The following RARB variants were observed in gnomAD, a reference collection of about 807,000 sequenced individuals.
RARB encodes the protein retinoic acid receptor beta, also known as HBV-activated protein.
A neutral mutation model predicts 51.9 loss-of-function variants in RARB; 17 were observed. That is an observed-to-expected ratio of 0.33 (90% CI 0.22 to 0.49). The LOEUF is 0.49. Ranked by LOEUF, RARB falls within the 20% of genes least tolerant of loss-of-function variation. RARB has a pLI of 0.99. For missense variants in RARB, 369 were observed against 550.8 expected (o/e 0.67, Z 3.30); for synonymous variants, 215 against 195.4 (o/e 1.10, Z -0.84).
At chr3:25,146,660 G>T (rs759063453) in intron 4 of RARB, among the ~76,000 whole-genome samples, 2 of 150,918 alleles carry the variant, frequency 1.3e-5, no homozygotes, top group Non-Finnish European at 3.0e-5. Context: ...GCCTGCCACC[G>T]CGCCCGGCTA....
At chr3:25,594,798 T>C in intron 7 of RARB, 120 bp downstream of exon 7, 1 of 975,440 alleles carries the variant, frequency 1.0e-6, no homozygotes. Context: ...GGAACTCATT[T>C]CTCATTGAAA....
chr3:24,951,712 ACCAATG>A (rs889206502), intron 2 of RARB, among the ~76,000 whole-genome samples: 2 of 152,172 alleles, frequency 1.3e-5, no homozygotes, highest in Admixed American at 6.5e-5. Context: ...TTGATAGGAA[ACCAATG>A]CCAATGACCC....
At chr3:25,367,527 G>C (rs1210704359) in intron 5 of RARB, among the ~76,000 whole-genome samples, 3 of 151,892 alleles carry the variant, frequency 2.0e-5, no homozygotes, top group Non-Finnish European at 4.4e-5. Context: ...CTGAAATGTG[G>C]CTGTTCAGCC....
chr3:25,458,348 C>T (rs913354732), intron 1 of RARB: 1 of 152,174 alleles, frequency 6.6e-6, no homozygotes, highest in African/African-American at 2.4e-5. Flanking sequence ...GAAAAAAATT[C>T]TGGAAGGTCG....
chr3:25,094,716 CAAAAAAAA>C (rs57477720), intron 3 of RARB, among the ~76,000 whole-genome samples: 13 of 43,106 alleles, frequency 3.0e-4, no homozygotes, highest in Non-Finnish European at 3.5e-4. Context: ...GACCCCATCT[CAAAAAAAA>C]AAAAAAAAAA....
chr3:25,175,123 C>T (rs1182677935), intron 5 of RARB, among the ~76,000 whole-genome samples: 1 of 152,140 alleles, frequency 6.6e-6, no homozygotes, highest in Admixed American at 6.5e-5. Flanking sequence ...TTTCTTATCC[C>T]AGATCTTCCC....
intron 5 of RARB, among the ~76,000 whole-genome samples, chr3:25,586,708 T>G (rs1350033152): frequency 6.6e-6 from 1 of 152,178 alleles, no homozygotes; most frequent in Non-Finnish European, 1.5e-5. Flanking sequence ...CTTGACGCCC[T>G]GGAGACTGTG....
chr3:25,105,966 G>T (rs558063777), intron 3 of RARB, among the ~76,000 whole-genome samples: 13 of 152,280 alleles, frequency 8.5e-5, no homozygotes, highest in Non-Finnish European at 2.9e-5. Context: ...TGGTAGTGTG[G>T]CTGTTACTAA....
chr3:25,360,167 G>T (rs1263792820), intron 5 of RARB, among the ~76,000 whole-genome samples: 4 of 152,114 alleles, frequency 2.6e-5, no homozygotes, highest in Non-Finnish European at 5.9e-5. Flanking sequence ...TCCTGTATTG[G>T]GTGCATATAT....
At chr3:25,376,202 A>T (rs767397117) in intron 5 of RARB, among the ~76,000 whole-genome samples, 4 of 152,024 alleles carry the variant, frequency 2.6e-5, no homozygotes, top group Non-Finnish European at 2.9e-5. Flanking sequence ...TGCTCACTCT[A>T]CTTTGGATAT....
At chr3:25,472,325 A>G (rs1265024170) in intron 2 of RARB, among the ~76,000 whole-genome samples, 1 of 152,140 alleles carries the variant, frequency 6.6e-6, no homozygotes, top group Non-Finnish European at 1.5e-5. Flanking sequence ...GAGGCAGTAC[A>G]CCTGCTTCTT....
chr3:25,432,937 G>C (rs1708267248), intron 1 of RARB, among the ~76,000 whole-genome samples: 2 of 152,232 alleles, frequency 1.3e-5, no homozygotes, highest in East Asian at 3.9e-4. Flanking sequence ...TAAATGCAAT[G>C]TTCATTTTAG....
intron 4 of RARB, among the ~76,000 whole-genome samples, chr3:25,158,431 G>A (rs1304560377): frequency 1.3e-5 from 2 of 152,198 alleles, no homozygotes; most frequent in African/African-American, 4.8e-5. Flanking sequence ...GATCCTTGAA[G>A]AAGCTGTAGA....
chr3:25,419,851 T>A (rs1321076233), intron 5 of RARB, among the ~76,000 whole-genome samples: 1 of 152,216 alleles, frequency 6.6e-6, no homozygotes, highest in African/African-American at 2.4e-5. Context: ...TTGAAACTGT[T>A]GCCTTCTGAA....
intron 2 of RARB, among the ~76,000 whole-genome samples, chr3:24,976,942 G>T (rs978683784): frequency 1.3e-5 from 2 of 152,308 alleles, no homozygotes; most frequent in South Asian, 2.1e-4. Context: ...TTTGTGTAAG[G>T]TGTAAGTAAG....
intron 3 of RARB, among the ~76,000 whole-genome samples, chr3:25,102,672 T>C (rs1362564448): frequency 6.6e-6 from 1 of 152,202 alleles, no homozygotes; most frequent in African/African-American, 2.4e-5. Context: ...AAGTCTTGCC[T>C]CTAAATGAGT....
intron 5 of RARB, among the ~76,000 whole-genome samples, chr3:25,299,660 T>C (rs140963280): frequency 2.6e-5 from 4 of 152,210 alleles, no homozygotes. Context: ...ACCATACAAT[T>C]GGTTTTCTTT....
chr3:25,446,475 G>C (rs1301073724), intron 1 of RARB, among the ~76,000 whole-genome samples: 1 of 152,130 alleles, frequency 6.6e-6, no homozygotes, highest in Non-Finnish European at 1.5e-5. Flanking sequence ...TTTCCTATCT[G>C]ACCATTTACA....
At chr3:25,310,815 G>A (rs1704271820) in intron 5 of RARB, among the ~76,000 whole-genome samples, 1 of 152,176 alleles carries the variant, frequency 6.6e-6, no homozygotes, top group Non-Finnish European at 1.5e-5. Flanking sequence ...CACTTCCTCA[G>A]GCAGTGCCCG....
Sources: allele counts gnomAD v4.1 joint callset (sites outside exome capture counted in the v4.1 genomes callset), GRCh38; gene constraint gnomAD v4.1.1; transcripts MANE v1.5; gene names NCBI Gene and HGNC (gene_info 2026-07-23, HGNC 2026-07-21).